KLRG1: variants seen among roughly 807,000 people sequenced by gnomAD.
KLRG1 encodes the protein killer cell lectin like receptor G1.
A neutral mutation model predicts 21.8 loss-of-function variants in KLRG1; 16 were observed. The observed-to-expected ratio is 0.73, with a 90% confidence interval of 0.50 to 1.11. The LOEUF (loss-of-function observed/expected upper bound fraction) is 1.11, where lower values mean the gene tolerates loss of function less well. Ranked by LOEUF, KLRG1 falls within the 50% of genes most tolerant of loss-of-function variation. KLRG1 has a pLI of 0.00. For missense variants in KLRG1, 173 were observed against 218.3 expected (o/e 0.79, Z 1.31); for synonymous variants, 69 against 75.9 (o/e 0.91, Z 0.47).
chr12:9,191,962 A>G, the KLRG1 span, among the ~76,000 whole-genome samples: 3 of 152,260 alleles, frequency 2.0e-5, no homozygotes, highest in African/African-American at 4.8e-5. Context: ...AACAAACTAA[A>G]GTGAAAAACT....
At chr12:9,140,272 G>T in the KLRG1 span, among the ~76,000 whole-genome samples, 2,493 of 152,286 alleles carry the variant, frequency 0.016, 68 homozygotes, top group African/African-American at 0.057. Context: ...GTAGGGGGGG[G>T]CCCAGGAATG....
the KLRG1 span, among the ~76,000 whole-genome samples, chr12:9,049,938 C>T: frequency 3.3e-5 from 5 of 152,122 alleles, no homozygotes; most frequent in African/African-American, 1.2e-4. Context: ...TGTGTCTAAC[C>T]TTATCATAGT....
the KLRG1 span, among the ~76,000 whole-genome samples, chr12:9,034,446 CT>C: frequency 0.032 from 4,803 of 148,206 alleles, 259 homozygotes; most frequent in African/African-American, 0.11. Flanking sequence ...ATATACCATA[CT>C]TTTTTTTTTT....
the KLRG1 span, chr12:9,153,317 C>T: frequency 1.2e-6 from 2 of 1,613,798 alleles, no homozygotes; most frequent in Non-Finnish European, 1.7e-6. Flanking sequence ...CATACCTGGA[C>T]AGGGCATGGA....
At chr12:9,110,325 C>T in the KLRG1 span, 8 of 1,445,864 alleles carry the variant, frequency 5.5e-6, no homozygotes, top group Non-Finnish European at 7.4e-6. Context: ...TGAATGTATA[C>T]TAGTGGAATC....
At chr12:8,997,973 C>T (rs1469231525) in intron 3 of KLRG1, among the ~76,000 whole-genome samples, 1 of 151,912 alleles carries the variant, frequency 6.6e-6, no homozygotes, top group Non-Finnish European at 1.5e-5. Context: ...TATTCTTAAT[C>T]GTCACAGCAA....
At chr12:8,966,539 C>G (rs1272151161) in intron 1 of KLRG1, among the ~76,000 whole-genome samples, 1 of 152,210 alleles carries the variant, frequency 6.6e-6, no homozygotes, top group East Asian at 1.9e-4. Flanking sequence ...TGAACAGACA[C>G]TTCTCAAAAG....
chr12:9,133,542 T>C, the KLRG1 span, among the ~76,000 whole-genome samples: 1 of 152,204 alleles, frequency 6.6e-6, no homozygotes, highest in African/African-American at 2.4e-5. Context: ...AAAATGTTTC[T>C]TTTCTTCCCT....
At chr12:8,963,500 T>G (rs1946413962) in intron 1 of KLRG1, among the ~76,000 whole-genome samples, 1 of 152,192 alleles carries the variant, frequency 6.6e-6, no homozygotes. Context: ...ATTCTCTTTT[T>G]TGGTTGTGTC....
At chr12:9,085,278 A>G in the KLRG1 span, among the ~76,000 whole-genome samples, 1 of 152,262 alleles carries the variant, frequency 6.6e-6, no homozygotes, top group East Asian at 1.9e-4. Context: ...TAGCAAATTT[A>G]AGAAGACTGA....
the KLRG1 span, among the ~76,000 whole-genome samples, chr12:9,032,780 GGGCCAGACCTGCAACTCA>G: frequency 2.0e-5 from 3 of 152,008 alleles, no homozygotes; most frequent in African/African-American, 7.3e-5. Flanking sequence ...CAGCTGACTC[GGGCCAGACCTGCAACTCA>G]TGAGTCAATC....
chr12:9,101,368 T>A, the KLRG1 span: 1 of 1,362,674 alleles, frequency 7.3e-7, no homozygotes, highest in African/African-American at 1.4e-5. Flanking sequence ...AGTAATGACA[T>A]CTAAAGAGCT....
At chr12:9,094,482 CA>C in the KLRG1 span, among the ~76,000 whole-genome samples, 1 of 144,512 alleles carries the variant, frequency 6.9e-6, no homozygotes. Context: ...TCCATAGAGC[CA>C]ACTGATTCTC....
At chr12:8,962,783 A>T (rs1045719297) in intron 1 of KLRG1, among the ~76,000 whole-genome samples, 3 of 152,004 alleles carry the variant, frequency 2.0e-5, no homozygotes, top group Non-Finnish European at 4.4e-5. Flanking sequence ...ACAAAGGGAA[A>T]ACAGAAGATA....
chr12:8,950,949 A>G (rs1946190407), intron 1 of KLRG1, among the ~76,000 whole-genome samples: 1 of 152,106 alleles, frequency 6.6e-6, no homozygotes, highest in Admixed American at 6.5e-5. Flanking sequence ...TACCGACTGT[A>G]TGCCATTCTG....
At chr12:9,075,546 C>T in the KLRG1 span, among the ~76,000 whole-genome samples, 1 of 152,192 alleles carries the variant, frequency 6.6e-6, no homozygotes, top group African/African-American at 2.4e-5. Context: ...TGACTCTGCA[C>T]ATACTTGTAT....
the KLRG1 span, among the ~76,000 whole-genome samples, chr12:9,053,669 C>A: frequency 6.6e-6 from 1 of 152,198 alleles, no homozygotes; most frequent in African/African-American, 2.4e-5. Context: ...AGCACTAGGT[C>A]AGCCTGTGCT....
At chr12:9,171,074 A>C in the KLRG1 span, among the ~76,000 whole-genome samples, 1 of 152,212 alleles carries the variant, frequency 6.6e-6, no homozygotes, top group Non-Finnish European at 1.5e-5. Context: ...GAGGGTCTCC[A>C]GCCACCTCCA....
At chr12:9,114,817 A>G in the KLRG1 span, among the ~76,000 whole-genome samples, 1 of 152,174 alleles carries the variant, frequency 6.6e-6, no homozygotes, top group Non-Finnish European at 1.5e-5. Flanking sequence ...AAATTTATAA[A>G]TATTAAACAT....
Sources: allele counts gnomAD v4.1 joint callset (sites outside exome capture counted in the v4.1 genomes callset), GRCh38; gene constraint gnomAD v4.1.1; transcripts MANE v1.5; gene names NCBI Gene and HGNC (gene_info 2026-07-23, HGNC 2026-07-21).